The following SEL1L3 variants were observed in gnomAD, a reference collection of about 807,000 sequenced individuals.
SEL1L3 encodes protein sel-1 homolog 3.
In SEL1L3, 76 loss-of-function variants were observed where a neutral mutation model predicts 142.8. The ratio of observed to expected loss-of-function variants is 0.53; its 90% CI spans 0.44 to 0.64. SEL1L3 has a LOEUF of 0.64. Ranked by LOEUF, SEL1L3 falls within the 30% of genes least tolerant of loss-of-function variation. SEL1L3 has a pLI of 0.00. For missense variants in SEL1L3, 1,262 were observed against 1,381.7 expected (o/e 0.91, Z 1.37); for synonymous variants, 504 against 519.6 (o/e 0.97, Z 0.41).
intron 1 of SEL1L3, among the ~76,000 whole-genome samples, chr4:25,859,167 G>A: frequency 6.6e-6 from 1 of 152,258 alleles, no homozygotes; most frequent in East Asian, 1.9e-4. Context: ...AAAATAGCAA[G>A]AAGGCCCGTT....
chr4:25,833,909 TG>T (rs1715604019), intron 3 of SEL1L3, among the ~76,000 whole-genome samples: 2 of 152,212 alleles, frequency 1.3e-5, no homozygotes, highest in Non-Finnish European at 2.9e-5. Flanking sequence ...TAAAAAAATC[TG>T]GATTTTAATA....
chr4:25,761,483 T>C (rs1299030363), intron 20 of SEL1L3, among the ~76,000 whole-genome samples: 4 of 152,122 alleles, frequency 2.6e-5, no homozygotes, highest in Non-Finnish European at 5.9e-5. Flanking sequence ...AAGTCTCTAA[T>C]CAATGGAATA....
At position 25,765,399 on chromosome 4, in the gene SEL1L3, T is replaced by C. The variant is rs751691515; in HGVS notation, c.2882A>G (p.His961Arg). ...CTCCAGGTCTTGTGACTGGTTTTGG[T>C]GGCCATAGTAGTAAAGGTCTCCCAT... ...LKMGDLYYYG[H>R]QNQSQDLELS... The change falls in exon 20 of 24, where the codon CAC (histidine) becomes CGC (arginine). Residue 961 changes from histidine (H) to arginine (R), a missense_variant. Coordinates refer to ENST00000399878, the MANE Select transcript of SEL1L3 (RefSeq NM_015187.5). 37 of 1,613,674 alleles carry C rather than the reference T, an allele frequency of 2.3e-5. No individual in the cohort carries two copies. The highest frequency in any genetic ancestry group is 3.1e-5 in the Non-Finnish European group (36 of 1,179,728).
intron 11 of SEL1L3, among the ~76,000 whole-genome samples, chr4:25,795,855 T>C (rs1242667831): frequency 6.6e-6 from 1 of 151,126 alleles, no homozygotes; most frequent in Admixed American, 6.6e-5. Flanking sequence ...AAAAGGAAAG[T>C]GTTCAGTTGT....
At chr4:25,761,907 T>C (rs577902010) in intron 20 of SEL1L3, among the ~76,000 whole-genome samples, 1 of 152,326 alleles carries the variant, frequency 6.6e-6, no homozygotes, top group Non-Finnish European at 1.5e-5. Context: ...GAAAGCAAAA[T>C]GGCAGCATGC....
the SEL1L3 span, among the ~76,000 whole-genome samples, chr4:25,734,279 C>T: frequency 2.8e-4 from 43 of 152,084 alleles, 1 homozygote; most frequent in African/African-American, 1.0e-3. Flanking sequence ...CTCCTGACCT[C>T]AGGTGATCTG....
intron 6 of SEL1L3, among the ~76,000 whole-genome samples, chr4:25,825,658 T>G (rs1457504784): frequency 2.7e-5 from 4 of 146,270 alleles, no homozygotes; most frequent in Non-Finnish European, 4.5e-5. Context: ...GGGCCTGGTC[T>G]AAATTCTATT....
chr4:25,818,323 G>T (rs748588487), intron 8 of SEL1L3, 45 bp from the exon 9 acceptor site: 4 of 1,520,566 alleles, frequency 2.6e-6, no homozygotes, highest in African/African-American at 1.4e-5. Flanking sequence ...TTTAGCAGAA[G>T]ATAAGACTCA....
At position 25,765,505 on chromosome 4, in the gene SEL1L3, G is replaced by A. The variant is rs146200108; in HGVS notation, c.2846-70C>T. The A allele has an allele frequency of 1.1e-3, 1,068 of 978,292 alleles. 3 individuals carry two copies. The highest frequency in any genetic ancestry group is 3.2e-3 in the Admixed American group (175 of 54,960). The allele number at this position is 978,292 out of a possible 1,614,324, so 60.6% of individuals were successfully genotyped here. A position where few individuals can be genotyped will look rare whatever the true frequency, so the allele number is the denominator to read the frequency against. On this transcript the variant is annotated intron_variant, in intron 19 of 23. Transcript: ENST00000399878. ...TATACCAACATTTTAAATTATTGGC[G>A]CATTCACATGAATGCAAGTTTTTCC...
intron 11 of SEL1L3, among the ~76,000 whole-genome samples, chr4:25,791,686 G>A (rs1329863732): frequency 6.6e-6 from 1 of 152,170 alleles, no homozygotes; most frequent in Non-Finnish European, 1.5e-5. Context: ...GGCCAAGGCA[G>A]GAGGATCACT....
At chr4:25,767,956 A>AG (rs1344049191) in intron 17 of SEL1L3, 126 bp from the exon 18 acceptor site, 2 of 631,256 alleles carry the variant, frequency 3.2e-6, no homozygotes, top group Admixed American at 6.0e-5. Context: ...CAAAATCGTG[A>AG]GTTTTTTTAA....
intron 2 of SEL1L3, among the ~76,000 whole-genome samples, chr4:25,843,186 T>G (rs1033186533): frequency 6.7e-6 from 1 of 150,042 alleles, no homozygotes; most frequent in African/African-American, 2.5e-5. Flanking sequence ...GTAAGGGGCA[T>G]GGGTTGATCT....
chr4:25,748,659 T>C, intron 23 of SEL1L3, 95 bp from the exon 24 acceptor site: 1 of 1,341,692 alleles, frequency 7.5e-7, no homozygotes, highest in South Asian at 1.4e-5. Flanking sequence ...CCAGGAGAGA[T>C]GCATCTAGTC....
At chr4:25,854,558 T>G (rs757260638) in intron 1 of SEL1L3, among the ~76,000 whole-genome samples, 2 of 152,200 alleles carry the variant, frequency 1.3e-5, no homozygotes, top group African/African-American at 4.8e-5. Context: ...GATTACAGCA[T>G]GAGCCTACAG....
chr4:25,752,723 T>C (rs1305018833), intron 23 of SEL1L3, among the ~76,000 whole-genome samples: 9 of 152,098 alleles, frequency 5.9e-5, no homozygotes, highest in Non-Finnish European at 1.2e-4. Flanking sequence ...CAGCTTCAGG[T>C]GATTCTCCTG....
chr4:25,763,843 A>T (rs994052940), intron 20 of SEL1L3, among the ~76,000 whole-genome samples: 1 of 152,026 alleles, frequency 6.6e-6, no homozygotes, highest in Non-Finnish European at 1.5e-5. Flanking sequence ...GTCTCAAAAA[A>T]CCCCACAAAA....
chr4:25,752,024 G>A (rs190357998), intron 23 of SEL1L3, among the ~76,000 whole-genome samples: 299 of 149,036 alleles, frequency 2.0e-3, no homozygotes, highest in African/African-American at 6.6e-3. Flanking sequence ...CAGGAGAATC[G>A]CTTGAACCCG....
At position 25,748,440 on chromosome 4, in the gene SEL1L3, C is replaced by T. The variant is rs535461601; in HGVS notation, c.3384G>A (p.Pro1128=). 1.2e-5 allele frequency: 20 copies of T among 1,610,380 alleles called. No homozygotes were observed. The highest frequency in any genetic ancestry group is 1.1e-4 in the South Asian group (10 of 89,956). ...DQDQPTVTNN[P]EPRG ...AGTGCACAGTTCACCCACGTGGCTCCGGGTTATTAGTTACTGTGGGCTGGT... is the reference window on the plus strand; with the variant it reads ...AGTGCACAGTTCACCCACGTGGCTCTGGGTTATTAGTTACTGTGGGCTGGT... The change falls in exon 24 of 24, where the codon CCG becomes CCA. Residue 1128 remains proline (P), a synonymous_variant. Transcript: ENST00000399878.
At chr4:25,718,275 A>G in the SEL1L3 span, 1 of 152,220 alleles carries the variant, frequency 6.6e-6, no homozygotes, top group African/African-American at 2.4e-5. Flanking sequence ...TCCTATAAGC[A>G]TAATAGTGAC....
Sources: gnomAD v4.1 joint callset for allele counts (sites outside exome capture counted in the v4.1 genomes callset) on GRCh38, gnomAD v4.1.1 for gene constraint, MANE v1.5 for transcripts, NCBI Gene and HGNC (gene_info 2026-07-23, HGNC 2026-07-21) for gene names.